The following GALNT13 variants were observed in gnomAD, a reference collection of about 807,000 sequenced individuals.
The protein encoded by GALNT13 is polypeptide N-acetylgalactosaminyltransferase 13.
GALNT13 carries 28 observed loss-of-function variants against 64.2 expected under a neutral mutation model. The ratio of observed to expected loss-of-function variants is 0.44; its 90% CI spans 0.32 to 0.60. The LOEUF (loss-of-function observed/expected upper bound fraction) is 0.60, where lower values mean the gene tolerates loss of function less well. Ranked by LOEUF, GALNT13 falls within the 20% of genes least tolerant of loss-of-function variation. The pLI is 0.05. For synonymous variants in GALNT13, 214 were observed against 224.6 expected (o/e 0.95, Z 0.42); for missense variants, 577 against 669.8 (o/e 0.86, Z 1.53).
the GALNT13 span, among the ~76,000 whole-genome samples, chr2:153,789,730 T>A: frequency 6.6e-6 from 1 of 151,908 alleles, no homozygotes; most frequent in Admixed American, 6.6e-5. Context: ...ATAAACACCA[T>A]CAGAAATGAT....
At chr2:153,877,430 G>T (rs1686456264) in intron 1 of GALNT13, among the ~76,000 whole-genome samples, 1 of 152,084 alleles carries the variant, frequency 6.6e-6, no homozygotes, top group Non-Finnish European at 1.5e-5. Flanking sequence ...ACTGTAAACA[G>T]AAAGAAGAAT....
At chr2:153,370,384 T>G in the GALNT13 span, among the ~76,000 whole-genome samples, 3 of 152,030 alleles carry the variant, frequency 2.0e-5, no homozygotes, top group African/African-American at 7.2e-5. Context: ...TACAAACCGG[T>G]GTCCCTCATG....
At chr2:153,206,924 T>A in the GALNT13 span, among the ~76,000 whole-genome samples, 1 of 151,848 alleles carries the variant, frequency 6.6e-6, no homozygotes, top group Non-Finnish European at 1.5e-5. Context: ...CAGCCAATTC[T>A]TTTTTTTAAG....
the GALNT13 span, among the ~76,000 whole-genome samples, chr2:153,369,039 AT>A: frequency 6.6e-6 from 1 of 152,152 alleles, no homozygotes; most frequent in Non-Finnish European, 1.5e-5. Context: ...ATCCATAAAT[AT>A]TTGGAAATTA....
chr2:154,294,175 C>G (rs1692793629), intron 8 of GALNT13, among the ~76,000 whole-genome samples: 1 of 152,170 alleles, frequency 6.6e-6, no homozygotes, highest in South Asian at 2.1e-4. Context: ...GAGCCAGTAT[C>G]CATTGAGTTA....
chr2:154,130,226 G>A (rs1682531437), intron 3 of GALNT13, among the ~76,000 whole-genome samples: 1 of 152,048 alleles, frequency 6.6e-6, no homozygotes, highest in South Asian at 2.1e-4. Context: ...GGAAATAAAT[G>A]CCTTGACCTC....
At chr2:153,218,757 T>C in the GALNT13 span, among the ~76,000 whole-genome samples, 291 of 152,356 alleles carry the variant, frequency 1.9e-3, 3 homozygotes, top group African/African-American at 6.6e-3. Context: ...CTAGCCCACA[T>C]TGACTTTTAT....
At chr2:154,392,696 T>C (rs1033360312) in intron 9 of GALNT13, among the ~76,000 whole-genome samples, 1 of 152,224 alleles carries the variant, frequency 6.6e-6, no homozygotes, top group Non-Finnish European at 1.5e-5. Flanking sequence ...TCAATTATTC[T>C]TAGTGTTATG....
At chr2:153,455,809 G>A in the GALNT13 span, among the ~76,000 whole-genome samples, 1 of 152,148 alleles carries the variant, frequency 6.6e-6, no homozygotes, top group Non-Finnish European at 1.5e-5. Context: ...GTCTGCATTT[G>A]TGGCTCCCGA....
chr2:153,770,502 G>T, the GALNT13 span, among the ~76,000 whole-genome samples: 2 of 152,182 alleles, frequency 1.3e-5, no homozygotes, highest in African/African-American at 2.4e-5. Flanking sequence ...CCAGTGCTAC[G>T]CACTGGTGTT....
At chr2:153,667,485 GA>G in the GALNT13 span, among the ~76,000 whole-genome samples, 3 of 150,688 alleles carry the variant, frequency 2.0e-5, no homozygotes, top group Non-Finnish European at 4.4e-5. Flanking sequence ...CATTCTTAAA[GA>G]AAAGAAATTC....
intron 4 of GALNT13, among the ~76,000 whole-genome samples, chr2:154,232,054 G>C (rs1256063208): frequency 6.6e-6 from 1 of 151,906 alleles, no homozygotes; most frequent in Non-Finnish European, 1.5e-5. Flanking sequence ...AAAAGAGAGA[G>C]AGAGAGAGAG....
the GALNT13 span, among the ~76,000 whole-genome samples, chr2:153,333,840 G>A: frequency 1.3e-5 from 2 of 152,096 alleles, no homozygotes; most frequent in Admixed American, 6.6e-5. Flanking sequence ...ACTATGTGAG[G>A]CATCTCCAAA....
intron 8 of GALNT13, among the ~76,000 whole-genome samples, chr2:154,278,043 C>T (rs1038874830): frequency 3.9e-5 from 6 of 152,110 alleles, no homozygotes; most frequent in Non-Finnish European, 8.8e-5. Flanking sequence ...TGATCCCTGA[C>T]CAAAATATTT....
intron 9 of GALNT13, among the ~76,000 whole-genome samples, chr2:154,380,450 T>G (rs548025342): frequency 6.6e-6 from 1 of 152,132 alleles, no homozygotes; most frequent in Admixed American, 6.6e-5. Flanking sequence ...TGTTAATATT[T>G]CCAAAAGTTC....
At chr2:153,656,333 TG>T in the GALNT13 span, among the ~76,000 whole-genome samples, 1 of 149,784 alleles carries the variant, frequency 6.7e-6, no homozygotes, top group Admixed American at 6.7e-5. Flanking sequence ...TGTGTGTGTG[TG>T]TGTGTGCGCG....
chr2:153,995,461 G>A (rs1234665967), intron 3 of GALNT13, among the ~76,000 whole-genome samples: 1 of 151,920 alleles, frequency 6.6e-6, no homozygotes, highest in Non-Finnish European at 1.5e-5. Flanking sequence ...AGGAGCTCAG[G>A]GGCAACTTAA....
At chr2:154,093,272 G>A (rs1185442087) in intron 3 of GALNT13, among the ~76,000 whole-genome samples, 2 of 151,864 alleles carry the variant, frequency 1.3e-5, no homozygotes, top group African/African-American at 4.8e-5. Flanking sequence ...ATTACTTTTT[G>A]TAATATCTAT....
the GALNT13 span, among the ~76,000 whole-genome samples, chr2:153,118,754 T>G: frequency 6.6e-6 from 1 of 152,230 alleles, no homozygotes; most frequent in Non-Finnish European, 1.5e-5. Flanking sequence ...TTATATTAAC[T>G]CATGTAAATT....
Sources: allele counts gnomAD v4.1 joint callset (sites outside exome capture counted in the v4.1 genomes callset), GRCh38; gene constraint gnomAD v4.1.1; transcripts MANE v1.5; gene names NCBI Gene and HGNC (gene_info 2026-07-23, HGNC 2026-07-21).